The following SLC7A11 variants were observed in gnomAD, a reference collection of about 807,000 sequenced individuals.
The protein encoded by SLC7A11 is cystine/glutamate transporter.
Under a neutral mutation model 54.5 loss-of-function variants are expected in SLC7A11, and 35 were observed. The ratio of observed to expected loss-of-function variants is 0.64; its 90% confidence interval spans 0.49 to 0.85. The LOEUF (loss-of-function observed/expected upper bound fraction) is 0.85. Among genes scored for constraint, SLC7A11 ranks in the 40% least tolerant of loss-of-function variants. SLC7A11 has a pLI of 0.00. For missense variants in SLC7A11, 583 were observed against 618.1 expected, an observed-to-expected ratio of 0.94 and a Z score of 0.60; for synonymous variants, 230 against 225.2, an observed-to-expected ratio of 1.02 and a Z score of -0.19.
chr4:138,217,986 G>A (rs917819491), intron 5 of SLC7A11, among the ~76,000 whole-genome samples: 4 of 152,062 alleles, frequency 2.6e-5, no homozygotes, highest in Admixed American at 2.6e-4. Flanking sequence ...AATATTCTGG[G>A]AATATACAAA....
intron 6 of SLC7A11, among the ~76,000 whole-genome samples, chr4:138,211,092 A>G (rs551414895): frequency 5.9e-4 from 90 of 152,212 alleles, no homozygotes; most frequent in African/African-American, 2.0e-3. Context: ...CTTTACAGCA[A>G]CATGGATGCA....
chr4:138,181,124 A>G lies in SLC7A11; in HGVS notation c.1117-334T>C, dbSNP rs147514044. Among the ~76,000 whole-genome samples, 187 of 152,224 alleles carry G rather than the reference A, an allele frequency of 1.2e-3. 1 individual carries two copies. Among genetic ancestry groups the G allele is most frequent in the African/African-American group, 4.3e-3 (178 of 41,570 alleles). Reference sequence around the variant, plus strand: ...AAAAGAAAGGTTACTCAATGACTCAAAATTGAAAGACTCAAAGATTGAGAT... The same window carrying G: ...AAAAGAAAGGTTACTCAATGACTCAGAATTGAAAGACTCAAAGATTGAGAT... On this transcript the variant is annotated intron_variant, in intron 9 of 11. Transcript: ENST00000280612.
chr4:138,203,987 T>TA (rs1191957905), intron 6 of SLC7A11, among the ~76,000 whole-genome samples: 1 of 152,026 alleles, frequency 6.6e-6, no homozygotes, highest in African/African-American at 2.4e-5. Flanking sequence ...TACATACTAT[T>TA]CCCTAAAACC....
At chr4:138,197,947 T>C (rs947476376) in intron 6 of SLC7A11, among the ~76,000 whole-genome samples, 1 of 150,232 alleles carries the variant, frequency 6.7e-6, no homozygotes, top group African/African-American at 2.4e-5. Flanking sequence ...GTAAGTATCA[T>C]AAATATAATA....
rs954234150 is a variant in SLC7A11 at position 138,206,381 on chromosome 4, T to A, written c.791+8204A>T. Among the ~76,000 whole-genome samples the A allele has an allele frequency of 6.9e-5, 10 of 145,254 alleles. No homozygotes were observed. In the East Asian group the frequency reaches 2.0e-3, roughly 29 times the overall value. On this transcript the variant is annotated intron_variant, in intron 6 of 11. Transcript: ENST00000280612. ...CTCAAAATATAAAACTCAATGAGAT[T>A]TATATATATATATATATATAGCCTC...
chr4:138,216,543 T>G (rs866355932), intron 5 of SLC7A11, among the ~76,000 whole-genome samples: 17 of 152,132 alleles, frequency 1.1e-4, no homozygotes, highest in Admixed American at 4.6e-4. Flanking sequence ...GTGACCTGAC[T>G]GGGTTAATGA....
At chr4:138,238,680 G>A (rs925303273) in intron 1 of SLC7A11, among the ~76,000 whole-genome samples, 1 of 151,806 alleles carries the variant, frequency 6.6e-6, no homozygotes, top group African/African-American at 2.4e-5. Context: ...CCTCACTGCA[G>A]CCTCTGCCTC....
At chr4:138,232,849 G>A (rs1409702563) in intron 2 of SLC7A11, among the ~76,000 whole-genome samples, 2 of 152,150 alleles carry the variant, frequency 1.3e-5, no homozygotes, top group East Asian at 3.8e-4. Context: ...AGTGTTCCCT[G>A]CAAATACATG....
chr4:138,238,922 G>A (rs1032274310), intron 1 of SLC7A11, among the ~76,000 whole-genome samples: 2 of 152,034 alleles, frequency 1.3e-5, no homozygotes, highest in Non-Finnish European at 2.9e-5. Context: ...TTTTTAATTC[G>A]AAAACACTCA....
At chr4:138,179,030 A>G (rs1475343165) in intron 11 of SLC7A11, among the ~76,000 whole-genome samples, 187 bp downstream of exon 11, 1 of 152,168 alleles carries the variant, frequency 6.6e-6, no homozygotes, top group Non-Finnish European at 1.5e-5. Flanking sequence ...CTAATATCCA[A>G]AAGGATTCAA....
At chr4:138,236,584 T>G in intron 1 of SLC7A11, 133 bp from the exon 2 acceptor site, 1 of 782,236 alleles carries the variant, frequency 1.3e-6, no homozygotes, top group South Asian at 2.0e-5. Context: ...GCATCCTTAC[T>G]CAAGACAAAT....
Position 138,171,905 on chromosome 4 carries a change from C to A in SLC7A11, c.*51G>T. The A allele has an allele frequency of 6.4e-7, 1 of 1,552,378 alleles. No individual in the cohort carries two copies. Among genetic ancestry groups the A allele is most frequent in the Non-Finnish European group, 8.6e-7 (1 of 1,160,074 alleles). On this transcript the variant is annotated 3_prime_UTR_variant, in exon 12 of 12. Coordinates refer to ENST00000280612, the MANE Select transcript of SLC7A11 (RefSeq NM_014331.4). The stretch of plus-strand genomic sequence containing the variant: ...CTTTCAGAAAATGAAGTAAAAATCC[C>A]TATTTTGTGTCTCCCCTTGGGCAGA...
intron 10 of SLC7A11, 89 bp from the exon 11 acceptor site, chr4:138,179,483 C>CTTTAGTGAT (rs1312130788): frequency 8.0e-6 from 9 of 1,131,778 alleles, no homozygotes; most frequent in Non-Finnish European, 1.0e-5. Context: ...ATGACATATA[C>CTTTAGTGAT]TTTAGTGATA....
At chr4:138,172,910 C>T (rs1736471360) in intron 11 of SLC7A11, among the ~76,000 whole-genome samples, 1 of 152,156 alleles carries the variant, frequency 6.6e-6, no homozygotes. Flanking sequence ...ATGGTGCGAT[C>T]TCGGCTCACT....
chr4:138,223,609 ATATATTGTAGTACTC>A (rs1737870610), intron 3 of SLC7A11, among the ~76,000 whole-genome samples: 1 of 152,194 alleles, frequency 6.6e-6, no homozygotes, highest in Non-Finnish European at 1.5e-5. Flanking sequence ...AAGAGTGGAC[ATATATTGTAGTACTC>A]TAACAATCAC....
chr4:138,201,193 C>G (rs1017820335), intron 6 of SLC7A11, among the ~76,000 whole-genome samples: 2 of 151,962 alleles, frequency 1.3e-5, no homozygotes, highest in South Asian at 4.2e-4. Flanking sequence ...CATATTTTGG[C>G]CTATTTTAAT....
intron 9 of SLC7A11, among the ~76,000 whole-genome samples, chr4:138,181,252 A>C (rs1442934365): frequency 6.6e-6 from 1 of 152,154 alleles, no homozygotes; most frequent in South Asian, 2.1e-4. Context: ...ATCCACACCC[A>C]GGAAACACAG....
chr4:138,234,688 AAATT>A (rs1259185290), intron 2 of SLC7A11, among the ~76,000 whole-genome samples: 1 of 152,188 alleles, frequency 6.6e-6, no homozygotes, highest in East Asian at 1.9e-4. Flanking sequence ...TGGAATAAAT[AAATT>A]AATATATGAA....
intron 6 of SLC7A11, among the ~76,000 whole-genome samples, chr4:138,199,368 C>G (rs1474242818): frequency 6.6e-6 from 1 of 152,008 alleles, no homozygotes. Flanking sequence ...ACTGAAAATA[C>G]TTACCACAAT....
Sources: gnomAD v4.1 joint callset for allele counts (sites outside exome capture counted in the v4.1 genomes callset) on GRCh38, gnomAD v4.1.1 for gene constraint, MANE v1.5 for transcripts, NCBI Gene and HGNC (gene_info 2026-07-23, HGNC 2026-07-21) for gene names.